The following PTER variants were observed in gnomAD, a reference collection of about 807,000 sequenced individuals.
The protein encoded by PTER is N-acetyltaurine hydrolase.
Under a neutral mutation model 29.6 loss-of-function variants are expected in PTER, and 38 were observed. That is an observed-to-expected ratio of 1.28 (90% confidence interval 0.99 to 1.68). The LOEUF is 1.68. PTER is among the 40% of genes most tolerant of loss of function. PTER has a pLI of 0.00. For missense variants in PTER, 482 were observed against 427.8 expected (o/e 1.13, Z -1.12); for synonymous variants, 172 against 154.5 (o/e 1.11, Z -0.84).
downstream of PTER, chr10:16,514,275 A>G (rs1207940378): frequency 1.8e-6 from 1 of 547,996 alleles, no homozygotes; most frequent in Non-Finnish European, 3.2e-6. Flanking sequence ...ATAGGACTTC[A>G]TTCACATGGA....
At chr10:16,438,214 C>T (rs1438999372) in intron 1 of PTER, among the ~76,000 whole-genome samples, 1 of 152,090 alleles carries the variant, frequency 6.6e-6, no homozygotes, top group Non-Finnish European at 1.5e-5. Context: ...CCATACTGGC[C>T]AGGCTGATCT....
rs540993804 is a variant in PTER at position 16,459,492 on chromosome 10, G to A, written c.-49+22445G>A. Among the ~76,000 whole-genome samples the A allele has an allele frequency of 3.0e-3, 455 of 152,152 alleles. 2 individuals carry two copies. Among genetic ancestry groups the A allele is most frequent in the Non-Finnish European group, 5.6e-3 (380 of 67,994 alleles). ...GTTCTCAAACTGATAATTATTGTAC[G>A]GTTTAGATAAATATCGATTATTTTT... On this transcript the variant is annotated intron_variant, in intron 1 of 4. Coordinates refer to ENST00000535784, the MANE Select transcript of PTER (RefSeq NM_001261836.2).
chr10:16,452,220 C>CAT (rs1004398176), intron 1 of PTER, among the ~76,000 whole-genome samples: 5 of 144,944 alleles, frequency 3.4e-5, no homozygotes, highest in Admixed American at 6.7e-5. Context: ...CACACACACA[C>CAT]ATATATATAC....
chr10:16,490,627 GT>G lies in PTER; in HGVS notation c.698+4018del, dbSNP rs541043577. On this transcript the variant is annotated intron_variant, in intron 3 of 4. Coordinates refer to ENST00000535784, the MANE Select transcript of PTER (RefSeq NM_001261836.2). ...TAAACCAAGCATTTCAAAATAGGGT[GT>G]TTTTTTTCTCTCTCTTCAATATAAT... Among the ~76,000 whole-genome samples the G allele has an allele frequency of 1.3e-4, 20 of 150,514 alleles. No homozygotes were observed. The East Asian group carries it at 2.7e-3, about 21-fold the overall frequency.
intron 3 of PTER, among the ~76,000 whole-genome samples, chr10:16,491,826 C>T (rs1055895434): frequency 4.6e-5 from 7 of 152,048 alleles, no homozygotes; most frequent in African/African-American, 1.7e-4. Context: ...GTAGTATTTC[C>T]ATCATTTCAG....
intron 3 of PTER, 172 bp downstream of exon 3, chr10:16,486,789 C>A: frequency 1.3e-6 from 1 of 747,248 alleles, no homozygotes; most frequent in Non-Finnish European, 2.1e-6. Flanking sequence ...AAAGTCAATG[C>A]TGCCATTTTT....
At chr10:16,481,912 C>T (rs1162337544) in intron 1 of PTER, among the ~76,000 whole-genome samples, 1 of 152,154 alleles carries the variant, frequency 6.6e-6, no homozygotes, top group Non-Finnish European at 1.5e-5. Context: ...CAACGGAAGG[C>T]ATGAACTACA....
intron 1 of PTER, among the ~76,000 whole-genome samples, chr10:16,444,428 C>G (rs1164317671): frequency 6.6e-6 from 1 of 151,510 alleles, no homozygotes; most frequent in Admixed American, 6.6e-5. Context: ...TACCTCAATA[C>G]CACGCCTGGT....
At chr10:16,468,046 G>T (rs1398374604) in intron 1 of PTER, among the ~76,000 whole-genome samples, 1 of 152,030 alleles carries the variant, frequency 6.6e-6, no homozygotes, top group Admixed American at 6.6e-5. Context: ...ATTAAATAAA[G>T]ATTCCAAGAA....
In PTER at chr10:16,486,579, C is replaced by A. The variant is rs34728849; in HGVS notation, c.660C>A (p.Gly220=). The change falls in exon 3 of 5, where the codon GGC becomes GGA. Residue 220 remains glycine, a synonymous_variant. Transcript: ENST00000535784. ...FQIIRILQEA[G]ADISKTVMSH... Reference sequence around the variant, plus strand: ...TTATCCGAATATTGCAAGAAGCAGGCGCAGACATCTCCAAAACAGTCATGT... The same window carrying A: ...TTATCCGAATATTGCAAGAAGCAGGAGCAGACATCTCCAAAACAGTCATGT... 3.7e-6 allele frequency: 6 copies of A among 1,613,852 alleles called. No homozygotes were observed. Among genetic ancestry groups the A allele is most frequent in the Admixed American group, 1.7e-5 (1 of 59,986 alleles).
Position 16,511,387 on chromosome 10 carries a change from G to A in PTER, c.*131G>A. ...GATCATTTCCTTCTGATGAGAACTA[G>A]GAGGGTTTGCCTTCTCTGAGACCAG... On this transcript the variant is annotated 3_prime_UTR_variant, in exon 5 of 5. Transcript: ENST00000535784. 2 of 861,136 alleles carry A rather than the reference G, an allele frequency of 2.3e-6. No individual in the cohort carries two copies. Among genetic ancestry groups the A allele is most frequent in the South Asian group, 3.2e-5 (2 of 61,696 alleles). 53.3% of individuals were successfully genotyped at this position (861,136 alleles called of 1,614,324 possible).
At chr10:16,437,257 T>TGC (rs1564380095) in intron 1 of PTER, 5 of 151,708 alleles carry the variant, frequency 3.3e-5, no homozygotes, top group African/African-American at 1.2e-4. Flanking sequence ...CAGTCCCGTG[T>TGC]GGCGCCAGCT....
intron 1 of PTER, among the ~76,000 whole-genome samples, chr10:16,474,684 G>A (rs867310188): frequency 1.3e-4 from 20 of 151,992 alleles, no homozygotes; most frequent in Non-Finnish European, 2.6e-4. Context: ...TCAGGAGTTC[G>A]AGACCAGCCT....
At chr10:16,505,265 A>G (rs1374915577) in intron 4 of PTER, 105 bp downstream of exon 4, 2 of 1,387,780 alleles carry the variant, frequency 1.4e-6, no homozygotes, top group Non-Finnish European at 2.0e-6. Flanking sequence ...AAGCAGGCCG[A>G]ACCACAGACT....
chr10:16,458,991 A>G (rs760051999), intron 1 of PTER, among the ~76,000 whole-genome samples: 2 of 152,166 alleles, frequency 1.3e-5, no homozygotes, highest in African/African-American at 2.4e-5. Context: ...TCAAAATCAG[A>G]CAGAACAGAT....
intron 3 of PTER, among the ~76,000 whole-genome samples, chr10:16,497,796 A>T (rs893102867): frequency 1.3e-5 from 2 of 152,240 alleles, no homozygotes; most frequent in Non-Finnish European, 2.9e-5. Flanking sequence ...CATATGGATA[A>T]GATCTAGAAT....
chr10:16,473,547 A>AAAAAAAAT (rs1835141577), intron 1 of PTER, among the ~76,000 whole-genome samples: 1 of 141,240 alleles, frequency 7.1e-6, no homozygotes, highest in Non-Finnish European at 1.5e-5. Flanking sequence ...AAAAAAAAAA[A>AAAAAAAAT]CAGTTAGTTC....
At chr10:16,496,778 G>C (rs1054694569) in intron 3 of PTER, among the ~76,000 whole-genome samples, 2 of 152,118 alleles carry the variant, frequency 1.3e-5, no homozygotes, top group African/African-American at 2.4e-5. Context: ...TTGCAAGTAG[G>C]TGATCAACAA....
chr10:16,508,071 T>TC (rs1836651582), intron 4 of PTER, among the ~76,000 whole-genome samples: 1 of 51,930 alleles, frequency 1.9e-5, no homozygotes, highest in South Asian at 9.6e-4. Context: ...TTTCTTTTTC[T>TC]TTTTTTTTTT....
Sources: allele counts gnomAD v4.1 joint callset (sites outside exome capture counted in the v4.1 genomes callset), GRCh38; gene constraint gnomAD v4.1.1; transcripts MANE v1.5; gene names NCBI Gene and HGNC (gene_info 2026-07-23, HGNC 2026-07-21).